The following ARHGAP24 variants were observed in gnomAD, a reference collection of about 807,000 sequenced individuals.
The protein encoded by ARHGAP24 is Rho GTPase activating protein 24, also known as rho GTPase-activating protein 24.
A neutral mutation model predicts 76.4 loss-of-function variants in ARHGAP24; 50 were observed. The ratio of observed to expected loss-of-function variants is 0.65; its 90% confidence interval spans 0.52 to 0.83. ARHGAP24 has a LOEUF of 0.83. Ranked by LOEUF, ARHGAP24 falls within the 40% of genes least tolerant of loss-of-function variation. The pLI is 0.00. For synonymous variants in ARHGAP24, 345 were observed against 323.3 expected, an observed-to-expected ratio of 1.07 and a Z score of -0.72; for missense variants, 930 against 914.2, an observed-to-expected ratio of 1.02 and a Z score of -0.22.
At chr4:85,621,875 T>C (rs895241776) in intron 2 of ARHGAP24, among the ~76,000 whole-genome samples, 1 of 152,140 alleles carries the variant, frequency 6.6e-6, no homozygotes, top group Non-Finnish European at 1.5e-5. Flanking sequence ...CTACGAATTC[T>C]TTAAGGATTC....
intron 1 of ARHGAP24, among the ~76,000 whole-genome samples, chr4:85,552,441 G>A (rs1377697846): frequency 6.6e-6 from 1 of 152,118 alleles, no homozygotes; most frequent in Non-Finnish European, 1.5e-5. Flanking sequence ...ATGTCCAATT[G>A]TGTGGTTGAT....
At chr4:85,869,524 G>A (rs1382143876) in intron 3 of ARHGAP24, among the ~76,000 whole-genome samples, 3 of 152,128 alleles carry the variant, frequency 2.0e-5, no homozygotes, top group African/African-American at 7.2e-5. Flanking sequence ...AACCCTGTTT[G>A]GATGGGGTGG....
chr4:85,983,037 T>C (rs1284784384), intron 8 of ARHGAP24, among the ~76,000 whole-genome samples: 1 of 152,222 alleles, frequency 6.6e-6, no homozygotes, highest in Non-Finnish European at 1.5e-5. Context: ...TTTCTGTTCC[T>C]GCATTAGTTT....
At chr4:85,650,125 A>G (rs966051583) in intron 2 of ARHGAP24, among the ~76,000 whole-genome samples, 13 of 152,190 alleles carry the variant, frequency 8.5e-5, no homozygotes, top group Non-Finnish European at 1.5e-4. Flanking sequence ...TGGTCGCTCC[A>G]TAAATGCTAT....
chr4:85,542,331 C>G (rs1477071091), intron 1 of ARHGAP24, among the ~76,000 whole-genome samples: 2 of 152,028 alleles, frequency 1.3e-5, no homozygotes, highest in Non-Finnish European at 2.9e-5. Context: ...AGCTTCAAAG[C>G]AAGTTTTTTG....
intron 1 of ARHGAP24, among the ~76,000 whole-genome samples, chr4:85,541,901 C>T (rs1725721154): frequency 6.6e-6 from 1 of 151,974 alleles, no homozygotes; most frequent in Non-Finnish European, 1.5e-5. Flanking sequence ...TGACCTAGTA[C>T]ACTATTAGAA....
chr4:85,921,230 A>G (rs2148809737), intron 3 of ARHGAP24, among the ~76,000 whole-genome samples: 1 of 152,310 alleles, frequency 6.6e-6, no homozygotes, highest in South Asian at 2.1e-4. Flanking sequence ...TGTTCTTTGC[A>G]GGGACATGAA....
At chr4:85,953,017 T>C (rs1156776176) in intron 5 of ARHGAP24, among the ~76,000 whole-genome samples, 1 of 152,212 alleles carries the variant, frequency 6.6e-6, no homozygotes. Context: ...GCCCTCCAGA[T>C]GGTATCAGCT....
intron 2 of ARHGAP24, among the ~76,000 whole-genome samples, chr4:85,577,260 C>A (rs1727418434): frequency 6.7e-6 from 1 of 150,284 alleles, no homozygotes; most frequent in Non-Finnish European, 1.5e-5. Context: ...ATAGATCCCT[C>A]AAAATAAAGA....
chr4:85,647,005 G>C (rs1227717446), intron 2 of ARHGAP24, among the ~76,000 whole-genome samples: 3 of 152,092 alleles, frequency 2.0e-5, no homozygotes, highest in Non-Finnish European at 4.4e-5. Flanking sequence ...AAGCAACTAA[G>C]TTGAGAATAT....
rs549826546 is a variant in ARHGAP24 at position 85,760,183 on chromosome 4, A to G, written c.268+38211A>G. The stretch of plus-strand genomic sequence containing the variant: ...TGATTTTAATCCCAAGTAATAAAAA[A>G]CAAAACCTAAACATTGGCCTAACTG... On this transcript the variant is annotated intron_variant, in intron 3 of 9. Coordinates refer to ENST00000395184, the MANE Select transcript of ARHGAP24 (RefSeq NM_001025616.3). Among the ~76,000 whole-genome samples, 44 of 152,340 alleles carry G rather than the reference A, an allele frequency of 2.9e-4. No individual in the cohort carries two copies. In the South Asian group the frequency reaches 8.9e-3, roughly 31 times the overall value.
intron 3 of ARHGAP24, among the ~76,000 whole-genome samples, chr4:85,848,664 T>C (rs1313753837): frequency 6.6e-6 from 1 of 152,226 alleles, no homozygotes; most frequent in Non-Finnish European, 1.5e-5. Flanking sequence ...TTCTACATAA[T>C]GGCTAGCCAG....
At chr4:85,759,566 G>T (rs1726656703) in intron 3 of ARHGAP24, among the ~76,000 whole-genome samples, 1 of 152,124 alleles carries the variant, frequency 6.6e-6, no homozygotes, top group South Asian at 2.1e-4. Context: ...AATCACTTTG[G>T]CAGGTATCCA....
At chr4:85,741,128 T>C (rs1313115484) in intron 3 of ARHGAP24, among the ~76,000 whole-genome samples, 2 of 152,228 alleles carry the variant, frequency 1.3e-5, no homozygotes, top group African/African-American at 4.8e-5. Context: ...TTTGCTGTTC[T>C]TTCAGAAAAA....
intron 2 of ARHGAP24, among the ~76,000 whole-genome samples, chr4:85,591,292 C>T (rs928420792): frequency 2.6e-5 from 4 of 152,042 alleles, no homozygotes; most frequent in African/African-American, 9.7e-5. Flanking sequence ...GTGATCCACA[C>T]AACTCAGCCT....
intron 2 of ARHGAP24, among the ~76,000 whole-genome samples, chr4:85,612,531 GAATA>G (rs1296702873): frequency 1.3e-5 from 2 of 150,096 alleles, no homozygotes; most frequent in East Asian, 2.0e-4. Context: ...CTTCACCCAT[GAATA>G]AATAATCTAA....
At chr4:85,481,577 C>G (rs951685859) in intron 1 of ARHGAP24, among the ~76,000 whole-genome samples, 2 of 152,136 alleles carry the variant, frequency 1.3e-5, no homozygotes, top group Admixed American at 1.3e-4. Flanking sequence ...AGGCCAGTAA[C>G]TGAATCAATC....
At chr4:85,848,416 G>A (rs1031966296) in intron 3 of ARHGAP24, among the ~76,000 whole-genome samples, 6 of 152,138 alleles carry the variant, frequency 3.9e-5, no homozygotes, top group Non-Finnish European at 8.8e-5. Context: ...TCCCACCTAT[G>A]AGTGAGAACA....
At chr4:85,974,831 T>C in intron 6 of ARHGAP24, 57 bp from the exon 7 acceptor site, 1 of 1,546,884 alleles carries the variant, frequency 6.5e-7, no homozygotes, top group South Asian at 1.1e-5. Context: ...TTCGACTTGC[T>C]TTAATTCTAA....
Sources: gnomAD v4.1 joint callset for allele counts (sites outside exome capture counted in the v4.1 genomes callset) on GRCh38, gnomAD v4.1.1 for gene constraint, MANE v1.5 for transcripts, NCBI Gene and HGNC (gene_info 2026-07-23, HGNC 2026-07-21) for gene names.